Variants in ZNF71 observed in about 807,000 individuals in gnomAD.
ZNF71 encodes endothelial zinc finger protein induced by tumor necrosis factor alpha.
A neutral mutation model predicts 6.7 loss-of-function variants in ZNF71; 3 were observed. That is an observed-to-expected ratio of 0.45 (90% CI 0.20 to 1.16). The LOEUF (loss-of-function observed/expected upper bound fraction) is 1.16. Ranked by LOEUF, ZNF71 falls within the 50% of genes most tolerant of loss-of-function variation. The pLI is 0.25. For synonymous variants in ZNF71, 343 were observed against 311.1 expected, an observed-to-expected ratio of 1.10 and a Z score of -1.08; for missense variants, 688 against 728.6, an observed-to-expected ratio of 0.94 and a Z score of 0.64.
chr19:56,612,622 G>C (rs1216334462), intron 2 of ZNF71, among the ~76,000 whole-genome samples: 1 of 152,092 alleles, frequency 6.6e-6, no homozygotes, highest in Non-Finnish European at 1.5e-5. Context: ...TGGAAACTCA[G>C]AAGCGGGCAA....
rs1380024024 is a variant in ZNF71 at position 56,621,758 on chromosome 19, G to A, written c.651G>A (p.Pro217=). 1.9e-6 allele frequency: 3 copies of A among 1,613,876 alleles called. No homozygotes were observed. The highest frequency in any genetic ancestry group is 1.1e-5 in the South Asian group (1 of 91,066). The stretch of plus-strand genomic sequence containing the variant: ...AAAGGATCCACACGGGAGAAAAGCC[G>A]TTTGAGTGTGACACCTGTGGGAAGC... ...KHQRIHTGEK[P]FECDTCGKHF... The change falls in exon 4 of 4, where the codon CCG becomes CCA. Residue 217 remains proline (P), a synonymous_variant. Transcript: ENST00000599599.
rs2044879814 is a variant in ZNF71, at chr19:56,623,211, GT to G, written c.*456del. On this transcript the variant is annotated 3_prime_UTR_variant, in exon 4 of 4. Coordinates refer to ENST00000599599, the MANE Select transcript of ZNF71 (RefSeq NM_001370215.1). ...GTCACCATCTGCATTTTCTCCGTGG[GT>G]TGGGAGCGTGAGGGCCTTCCTATCC... The G allele has an allele frequency of 5.6e-6, 1 of 179,524 alleles. No individual in the cohort carries two copies. The highest frequency in any genetic ancestry group is 1.3e-5 in the Non-Finnish European group (1 of 75,288). The allele number at this position is 179,524 out of a possible 1,614,324, so 11.1% of individuals were successfully genotyped here. A position where few individuals can be genotyped will look rare whatever the true frequency, so the allele number is the denominator to read the frequency against.
At position 56,621,356 on chromosome 19, in the gene ZNF71, G is replaced by A. The variant is rs553075518; in HGVS notation, c.249G>A (p.Gly83=). ...TCTCCGTTGTTGGGGAGGCCACGGG[G>A]GGACCCACGAGGAATGGTGCCAGGG... ...DKLSVVGEAT[G]GPTRNGARGP... Residue 83 remains glycine, a synonymous_variant, in exon 4 of 4, where the codon GGG becomes GGA. Transcript: ENST00000599599. The A allele has an allele frequency of 2.6e-5, 41 of 1,575,140 alleles. No homozygotes were observed. Among genetic ancestry groups the A allele is most frequent in the South Asian group, 2.2e-4 (19 of 84,980 alleles).
At position 56,621,938 on chromosome 19, in the gene ZNF71, C is replaced by A. The variant is rs1555776583; in HGVS notation, c.831C>A (p.Asp277Glu). 2.1e-5 allele frequency: 34 copies of A among 1,606,178 alleles called. 1 individual carries two copies. In the South Asian group the frequency reaches 3.7e-4, roughly 18 times the overall value. Residue 277 changes from aspartate (D) to glutamate (E), a missense_variant, in exon 4 of 4, where the codon GAC becomes GAA. Coordinates refer to ENST00000599599, the MANE Select transcript of ZNF71 (RefSeq NM_001370215.1). Reference sequence around the variant, plus strand: ...CGGGCGAGAAGCCGTATGTGTGCGACGTGTGTGGCAAGGCCTTCCGGAAGA... The same window carrying A: ...CGGGCGAGAAGCCGTATGTGTGCGAAGTGTGTGGCAAGGCCTTCCGGAAGA... The part of the protein sequence containing the change: ...THTGEKPYVC[D>E]VCGKAFRKTS...
intron 3 of ZNF71, 84 bp downstream of exon 3, chr19:56,614,022 AGATC>A (rs2044771779): frequency 1.0e-6 from 1 of 1,003,310 alleles, no homozygotes; most frequent in Admixed American, 5.1e-5. Context: ...AAAGATCAAC[AGATC>A]TGACTACATG....
In ZNF71 at chr19:56,621,660, G is replaced by A. The variant is rs147756631; in HGVS notation, c.553G>A (p.Glu185Lys). Reference protein sequence around the residue: ...SDLSKPPMPCEEKKTYDCSEC... With the variant: ...SDLSKPPMPCKEKKTYDCSEC... ...CCTCAGTAAGCCCCCCATGCCCTGCGAGGAGAAGAAAACCTACGACTGCAG... is the reference window on the plus strand; with the variant it reads ...CCTCAGTAAGCCCCCCATGCCCTGCAAGGAGAAGAAAACCTACGACTGCAG... Residue 185 changes from glutamate (E) to lysine (K), a missense_variant, in exon 4 of 4, where the codon GAG becomes AAG. Physicochemically the swap from Glu to Lys is moderately conservative, Grantham distance 56. Transcript: ENST00000599599. 9.3e-6 allele frequency: 15 copies of A among 1,614,048 alleles called. No homozygotes were observed. The highest frequency in any genetic ancestry group is 2.7e-5 in the African/African-American group (2 of 75,066).
intron 1 of ZNF71, 67 bp from the exon 2 acceptor site, chr19:56,601,440 G>A: frequency 5.3e-6 from 3 of 567,314 alleles, no homozygotes; most frequent in Non-Finnish European, 6.7e-6. Context: ...TGTCTGTCCT[G>A]TCTACATTTG....
Position 56,622,138 on chromosome 19 carries a change from A to G in ZNF71, c.1031A>G (p.His344Arg), listed in dbSNP as rs1600600530. 8 of 1,611,738 alleles carry G rather than the reference A, an allele frequency of 5.0e-6. No homozygotes were observed. The highest frequency in any genetic ancestry group is 1.1e-5 in the South Asian group (1 of 90,946). The change falls in exon 4 of 4, where the codon CAC (histidine) becomes CGC (arginine). Residue 344 changes from histidine (H) to arginine (R), a missense_variant. Transcript: ENST00000599599. ...ECGRAFSQNM[H>R]LTEHQRTHTG... ...GGGCGAGCCTTCAGCCAGAACATGC[A>G]CCTGACCGAGCACCAGCGCACGCAC...
In ZNF71 at chr19:56,598,961, C is replaced by G. The variant is rs938094177; in HGVS notation, c.-52-2546C>G. Among the ~76,000 whole-genome samples the G allele has an allele frequency of 1.3e-5, 2 of 152,088 alleles. No homozygotes were observed. Among genetic ancestry groups the G allele is most frequent in the Admixed American group, 1.3e-4 (2 of 15,262 alleles). On this transcript the variant is annotated intron_variant, in intron 1 of 3. Transcript: ENST00000599599. The surrounding 1 kb of genome is among the most constrained non-coding windows in gnomAD (Gnocchi z 4.2). ...AGAAATACCGATTCAGGGGCCCTAC[C>G]CAGGTAGTTTGATTCAGAGGATCTG...
chr19:56,617,466 G>A (rs568922482), intron 3 of ZNF71, among the ~76,000 whole-genome samples: 2 of 150,808 alleles, frequency 1.3e-5, no homozygotes, highest in South Asian at 4.2e-4. Context: ...TCAGAAACAA[G>A]CATAGAAAGA....
At chr19:56,617,909 AG>A (rs1459966219) in intron 3 of ZNF71, among the ~76,000 whole-genome samples, 2 of 152,004 alleles carry the variant, frequency 1.3e-5, no homozygotes, top group African/African-American at 4.8e-5. Context: ...TTCACAACCA[AG>A]ACTCCTGGTC....
At chr19:56,602,197 A>G (rs1410653193) in intron 2 of ZNF71, among the ~76,000 whole-genome samples, 3 of 152,150 alleles carry the variant, frequency 2.0e-5, no homozygotes, top group Admixed American at 2.0e-4. Flanking sequence ...TGGTTTACTT[A>G]ATGGTTCCTC....
chr19:56,613,569 A>G lies in ZNF71; in HGVS notation c.34-243A>G, dbSNP rs968047470. ...TTCAGTTCCTTTCCATCTGGTTCTCAGATCTGTGACCTTCTGTTCCAGAAT... is the reference window on the plus strand; with the variant it reads ...TTCAGTTCCTTTCCATCTGGTTCTCGGATCTGTGACCTTCTGTTCCAGAAT... On this transcript the variant is annotated intron_variant, in intron 2 of 3. Coordinates refer to ENST00000599599, the MANE Select transcript of ZNF71 (RefSeq NM_001370215.1). This position sits in a 1 kb window ranked among gnomAD's most constrained non-coding sequence, Gnocchi z 4.6. 6.6e-6 allele frequency among the ~76,000 whole-genome samples: 1 copy of G among 152,160 alleles called. No homozygotes were observed. Among genetic ancestry groups the G allele is most frequent in the East Asian group, 1.9e-4 (1 of 5,188 alleles).
intron 3 of ZNF71, 134 bp from the exon 4 acceptor site, chr19:56,621,131 GTTC>G (rs1306381634): frequency 1.2e-5 from 10 of 839,506 alleles, no homozygotes; most frequent in South Asian, 7.2e-5. Context: ...CTGATCCAAG[GTTC>G]TTCTTTGCTA....
At position 56,598,563 on chromosome 19, in the gene ZNF71, A is replaced by G. The variant is rs189785701; in HGVS notation, c.-52-2944A>G. Among the ~76,000 whole-genome samples the G allele has an allele frequency of 9.1e-4, 138 of 152,312 alleles. 1 individual carries two copies. Among genetic ancestry groups the G allele is most frequent in the African/African-American group, 3.2e-3 (132 of 41,572 alleles). On this transcript the variant is annotated intron_variant, in intron 1 of 3. Coordinates refer to ENST00000599599, the MANE Select transcript of ZNF71 (RefSeq NM_001370215.1). This position sits in a 1 kb window ranked among gnomAD's most constrained non-coding sequence, Gnocchi z 4.2. ...CACCTTTGTGATCCTTTTGTTCTAC[A>G]ACAGGGCTTCTCAACCTCCACACTA...
intron 2 of ZNF71, among the ~76,000 whole-genome samples, chr19:56,610,757 T>C (rs1177097206): frequency 6.6e-6 from 1 of 152,242 alleles, no homozygotes; most frequent in Non-Finnish European, 1.5e-5. Context: ...GTATTTGAGT[T>C]GGAGAGAGTA....
At chr19:56,612,695 T>C (rs1368124446) in intron 2 of ZNF71, among the ~76,000 whole-genome samples, 1 of 152,186 alleles carries the variant, frequency 6.6e-6, no homozygotes, top group Non-Finnish European at 1.5e-5. Context: ...ATTCAGGTGA[T>C]GGGTGCACTA....
chr19:56,616,110 T>C (rs943818482), intron 3 of ZNF71, among the ~76,000 whole-genome samples: 10 of 152,222 alleles, frequency 6.6e-5, no homozygotes, highest in African/African-American at 2.4e-4. Context: ...TAAGAAATCT[T>C]GGCCTATCCC....
In ZNF71 at chr19:56,622,300, G is replaced by T; in HGVS notation, c.1193G>T (p.Ser398Ile). The change falls in exon 4 of 4, where the codon AGC becomes ATC. Residue 398 changes from serine to isoleucine, a missense_variant. Coordinates refer to ENST00000599599, the MANE Select transcript of ZNF71 (RefSeq NM_001370215.1). ...CGECGKAFSQ[S>I]SYLIQHQRFH... The stretch of plus-strand genomic sequence containing the variant: ...GAGTGCGGCAAGGCCTTCAGCCAGA[G>T]CTCCTACCTCATCCAGCACCAGCGC... 6.2e-7 allele frequency: 1 copy of T among 1,605,248 alleles called. No individual in the cohort carries two copies. Among genetic ancestry groups the T allele is most frequent in the Non-Finnish European group, 8.5e-7 (1 of 1,175,110 alleles).
Sources: gnomAD v4.1 joint callset for allele counts (sites outside exome capture counted in the v4.1 genomes callset) on GRCh38, gnomAD v4.1.1 for gene constraint, Gnocchi (gnomAD v3.1) non-coding constraint, MANE v1.5 for transcripts, NCBI Gene and HGNC (gene_info 2026-07-23, HGNC 2026-07-21) for gene names.